EEA1: variants seen among roughly 807,000 people sequenced by gnomAD.
The protein encoded by EEA1 is early endosome antigen 1.
EEA1 carries 111 observed loss-of-function variants against 209.2 expected under a neutral mutation model. The observed-to-expected ratio is 0.53, with a 90% confidence interval of 0.45 to 0.62. The LOEUF (loss-of-function observed/expected upper bound fraction) is 0.62. Among genes scored for constraint, EEA1 ranks in the 20% least tolerant of loss-of-function variants. The pLI is 0.00. For synonymous variants in EEA1, 536 were observed against 540.6 expected, an observed-to-expected ratio of 0.99 and a Z score of 0.12; for missense variants, 1,343 against 1,530.8, an observed-to-expected ratio of 0.88 and a Z score of 2.05.
At chr12:92,865,706 CTTTTA>C (rs1878352072) in intron 2 of EEA1, among the ~76,000 whole-genome samples, 1 of 148,914 alleles carries the variant, frequency 6.7e-6, no homozygotes, top group South Asian at 2.1e-4. Flanking sequence ...TGGGTTGCAA[CTTTTA>C]TTTTTTTATT....
intron 13 of EEA1, among the ~76,000 whole-genome samples, chr12:92,821,272 T>G (rs374292043): frequency 6.6e-5 from 10 of 152,326 alleles, no homozygotes; most frequent in African/African-American, 2.4e-4. Flanking sequence ...ACTATCCTAC[T>G]GTATGACCAC....
At chr12:92,788,083 C>G (rs762837453) in intron 21 of EEA1, 34 bp from the exon 22 acceptor site, 1 of 1,452,280 alleles carries the variant, frequency 6.9e-7, no homozygotes, top group Non-Finnish European at 9.1e-7. Context: ...AAACAGTATG[C>G]ATTCCAAAAA....
rs1438372124 is a variant in EEA1 at position 92,832,784 on chromosome 12, C to G, written c.982G>C (p.Glu328Gln). 6.2e-6 allele frequency: 10 copies of G among 1,613,612 alleles called. No homozygotes were observed. Among genetic ancestry groups the G allele is most frequent in the Non-Finnish European group, 8.5e-6 (10 of 1,179,942 alleles). Reference sequence around the variant, plus strand: ...TGAATATTCTTTTTACTCACAGATTCTTCATTATGTTTCTCCTCTAACTTA... The same window carrying G: ...TGAATATTCTTTTTACTCACAGATTGTTCATTATGTTTCTCCTCTAACTTA... ...YTKLEEKHNE[E>Q]SVSKKNIQAT... Residue 328 changes from glutamate to glutamine, a missense_variant, in exon 11 of 29, where the codon GAA becomes CAA. Glu to Gln is a conservative substitution (Grantham distance 29). Transcript: ENST00000322349.
chr12:92,847,355 T>C (rs971295203), intron 9 of EEA1, among the ~76,000 whole-genome samples: 1 of 152,194 alleles, frequency 6.6e-6, no homozygotes, highest in Non-Finnish European at 1.5e-5. Context: ...ATAATAAAAA[T>C]TGTTGTATTA....
intron 3 of EEA1, among the ~76,000 whole-genome samples, 163 bp downstream of exon 3, chr12:92,864,697 A>G (rs537529180): frequency 6.6e-6 from 1 of 152,310 alleles, no homozygotes; most frequent in African/African-American, 2.4e-5. Flanking sequence ...TCAAGGATTG[A>G]ATAGTTTTTA....
At chr12:92,877,684 A>C (rs1299240887) in intron 2 of EEA1, among the ~76,000 whole-genome samples, 1 of 151,804 alleles carries the variant, frequency 6.6e-6, no homozygotes, top group African/African-American at 2.4e-5. Context: ...GCGTGCCACC[A>C]CACCCTTTAG....
rs779913382 is a variant in EEA1, at chr12:92,929,109, C to T, written c.-43G>A. On this transcript the variant is annotated 5_prime_UTR_variant, in exon 1 of 29. Coordinates refer to ENST00000322349, the MANE Select transcript of EEA1 (RefSeq NM_003566.4). ...GCGCCGCCGCGGTGACTCTCCAGAC[C>T]CTGCGCGGGGCCACTCACTACTCGG... 3 of 1,566,318 alleles carry T rather than the reference C, an allele frequency of 1.9e-6. No homozygotes were observed.
chr12:92,794,686 T>C (rs1344863300), intron 21 of EEA1, among the ~76,000 whole-genome samples: 3 of 145,794 alleles, frequency 2.1e-5, no homozygotes, highest in East Asian at 4.1e-4. Flanking sequence ...AACAATGAGA[T>C]CACTTGGACA....
intron 22 of EEA1, among the ~76,000 whole-genome samples, chr12:92,783,422 T>C (rs888015738): frequency 1.3e-5 from 2 of 152,098 alleles, no homozygotes; most frequent in African/African-American, 4.8e-5. Flanking sequence ...CTGAAACAAA[T>C]AGGAAGGATT....
chr12:92,927,219 C>A (rs1490664500), intron 1 of EEA1, among the ~76,000 whole-genome samples: 1 of 152,146 alleles, frequency 6.6e-6, no homozygotes, highest in African/African-American at 2.4e-5. Flanking sequence ...ATGCTACTGG[C>A]ATCTAGTGGG....
intron 9 of EEA1, among the ~76,000 whole-genome samples, chr12:92,843,265 C>T (rs1877250207): frequency 6.6e-6 from 1 of 152,078 alleles, no homozygotes; most frequent in South Asian, 2.1e-4. Context: ...TTCAAGCAAT[C>T]CTCCCACATC....
At chr12:92,898,848 T>C (rs1880029353) in intron 1 of EEA1, among the ~76,000 whole-genome samples, 1 of 141,492 alleles carries the variant, frequency 7.1e-6, no homozygotes, top group African/African-American at 2.6e-5. Context: ...CCCAAAGTGC[T>C]GAGATTACAG....
intron 1 of EEA1, among the ~76,000 whole-genome samples, chr12:92,912,359 T>C (rs560488380): frequency 1.3e-5 from 2 of 152,294 alleles, no homozygotes; most frequent in East Asian, 3.9e-4. Context: ...GCCATGAGAC[T>C]TGCCTTGACT....
In EEA1 at chr12:92,803,869, T is replaced by C. The variant is rs149686765; in HGVS notation, c.2340-1135A>G. Among the ~76,000 whole-genome samples the C allele has an allele frequency of 1.0e-3, 156 of 152,304 alleles. 1 individual carries two copies. The highest frequency in any genetic ancestry group is 1.7e-3 in the Non-Finnish European group (116 of 68,000). ...GCAACCTTAGAATTAAGACTTGATA[T>C]ATTTATTTACTATGCTGCTTAACTT... On this transcript the variant is annotated intron_variant, in intron 18 of 28. Transcript: ENST00000322349.
chr12:92,928,111 T>C (rs1393095578), intron 1 of EEA1, among the ~76,000 whole-genome samples: 1 of 151,856 alleles, frequency 6.6e-6, no homozygotes, highest in Non-Finnish European at 1.5e-5. Context: ...TTCAATCATT[T>C]ACATTTTGTT....
rs957160691 is a variant in EEA1, at chr12:92,928,939, T to TAGGGA, written c.24+99_24+103dup. Reference sequence around the variant, plus strand: ...TAAGCGCCTGCCGGGCTGTGGGGCCTAGGGAAGGAAGGAGCCCGCGCTGAG... The same window carrying TAGGGA: ...TAAGCGCCTGCCGGGCTGTGGGGCCTAGGGAAGGGAAGGAAGGAGCCCGCGCTGAG... On this transcript the variant is annotated intron_variant, in intron 1 of 28. Coordinates refer to ENST00000322349, the MANE Select transcript of EEA1 (RefSeq NM_003566.4). 5.7e-6 allele frequency: 7 copies of TAGGGA among 1,237,828 alleles called. No homozygotes were observed. The Admixed American group carries it at 1.7e-4, about 30-fold the overall frequency. The allele number at this position is 1,237,828 out of a possible 1,614,324, so 76.7% of individuals were successfully genotyped here. A position where few individuals can be genotyped will look rare whatever the true frequency, so the allele number is the denominator to read the frequency against.
chr12:92,890,924 A>G (rs1434078399), intron 2 of EEA1, among the ~76,000 whole-genome samples: 1 of 152,188 alleles, frequency 6.6e-6, no homozygotes, highest in Non-Finnish European at 1.5e-5. Context: ...TAGCAGAGAA[A>G]AAAAGACTGG....
chr12:92,823,727 A>G (rs1313124156), intron 13 of EEA1, among the ~76,000 whole-genome samples: 2 of 152,188 alleles, frequency 1.3e-5, no homozygotes, highest in African/African-American at 2.4e-5. Flanking sequence ...AACTTATTGG[A>G]AAGTGCAGAA....
chr12:92,861,184 G>A (rs912601877), intron 3 of EEA1, among the ~76,000 whole-genome samples: 1 of 152,144 alleles, frequency 6.6e-6, no homozygotes, highest in African/African-American at 2.4e-5. Flanking sequence ...GGCCGGGCAC[G>A]GTGGCTCACA....
Sources: gnomAD v4.1 joint callset for allele counts (sites outside exome capture counted in the v4.1 genomes callset) on GRCh38, gnomAD v4.1.1 for gene constraint, MANE v1.5 for transcripts, NCBI Gene and HGNC (gene_info 2026-07-23, HGNC 2026-07-21) for gene names.